Variants in ACSF3 observed in about 807,000 individuals in gnomAD.
ACSF3 encodes malonate--CoA ligase ACSF3, mitochondrial.
Under a neutral mutation model 53.2 loss-of-function variants are expected in ACSF3, and 78 were observed. That is an observed-to-expected ratio of 1.47 (90% CI 1.22 to 1.77). The LOEUF (loss-of-function observed/expected upper bound fraction) is 1.77, where lower values mean the gene tolerates loss of function less well. Ranked by LOEUF, ACSF3 falls within the 40% of genes most tolerant of loss-of-function variation. The pLI is 0.00. For synonymous variants in ACSF3, 414 were observed against 333.1 expected, an observed-to-expected ratio of 1.24 and a Z score of -2.65; for missense variants, 937 against 771.1, an observed-to-expected ratio of 1.22 and a Z score of -2.55.
intron 8 of ACSF3, among the ~76,000 whole-genome samples, chr16:89,141,449 C>T (rs1379249506): frequency 1.3e-5 from 2 of 152,192 alleles, no homozygotes; most frequent in African/African-American, 4.8e-5. Context: ...CCAGGCCTTG[C>T]AGACAAGACA....
At chr16:89,107,329 C>T (rs1425967909) in intron 4 of ACSF3, among the ~76,000 whole-genome samples, 1 of 152,180 alleles carries the variant, frequency 6.6e-6, no homozygotes, top group African/African-American at 2.4e-5. Flanking sequence ...CGCGCCTGCT[C>T]CCTGCCCCTC....
At chr16:89,153,798 A>G (rs1914405138) in intron 10 of ACSF3, 4 of 456,206 alleles carry the variant, frequency 8.8e-6, no homozygotes, top group Non-Finnish European at 1.6e-5. Context: ...CCTGCAGGCC[A>G]CTCTGTGCAG....
chr16:89,148,236 C>T (rs1233910078), intron 10 of ACSF3: 9 of 151,338 alleles, frequency 5.9e-5, no homozygotes, highest in African/African-American at 2.2e-4. Flanking sequence ...GTAGCTGGGA[C>T]TATAGGCATG....
chr16:89,128,249 A>T (rs12103007), intron 7 of ACSF3, among the ~76,000 whole-genome samples: 29,547 of 149,152 alleles, frequency 0.2, 3,039 homozygotes, highest in Non-Finnish European at 0.22. Context: ...ATATATATAT[A>T]TTTTTTTCTT....
At chr16:89,095,485 G>A (rs1004588026) in intron 1 of ACSF3, among the ~76,000 whole-genome samples, 3 of 152,084 alleles carry the variant, frequency 2.0e-5, no homozygotes, top group African/African-American at 4.8e-5. Flanking sequence ...AACCACAGGT[G>A]TGATGCTGAA....
chr16:89,133,410 T>C (rs919284047), intron 8 of ACSF3, 148 bp downstream of exon 8: 1 of 1,134,220 alleles, frequency 8.8e-7, no homozygotes. Context: ...TGGGGGCCAC[T>C]GTTACGGCAC....
intron 7 of ACSF3, among the ~76,000 whole-genome samples, chr16:89,130,879 C>CT (rs975569613): frequency 6.6e-6 from 1 of 152,124 alleles, no homozygotes; most frequent in African/African-American, 2.4e-5. Flanking sequence ...TGTGTGTTGA[C>CT]TTTCCTGGTG....
chr16:89,104,835 G>T (rs1597908647), intron 4 of ACSF3, among the ~76,000 whole-genome samples: 1 of 152,246 alleles, frequency 6.6e-6, no homozygotes, highest in Non-Finnish European at 1.5e-5. Context: ...TCTCACAAGA[G>T]AAGCCAGTAT....
chr16:89,112,987 G>A (rs922983989), intron 5 of ACSF3, among the ~76,000 whole-genome samples: 1 of 152,106 alleles, frequency 6.6e-6, no homozygotes, highest in Non-Finnish European at 1.5e-5. Context: ...GGTCTTTTGG[G>A]CCACCCAGGG....
At chr16:89,124,268 G>A (rs1485301673) in intron 7 of ACSF3, among the ~76,000 whole-genome samples, 4 of 152,204 alleles carry the variant, frequency 2.6e-5, no homozygotes, top group African/African-American at 9.7e-5. Flanking sequence ...CGGACTCCCT[G>A]ACGATGTCAT....
intron 3 of ACSF3, chr16:89,102,307 A>C (rs907611926): frequency 5.9e-5 from 27 of 456,462 alleles, no homozygotes; most frequent in Admixed American, 1.0e-4. Flanking sequence ...GCAGGGGCGG[A>C]GCTCTGTCGA....
At chr16:89,136,463 A>G (rs1597203988) in intron 8 of ACSF3, 5 of 1,182,316 alleles carry the variant, frequency 4.2e-6, no homozygotes, top group East Asian at 5.9e-5. Flanking sequence ...AGAGCCTGCA[A>G]TCAGCTCACA....
intron 8 of ACSF3, among the ~76,000 whole-genome samples, chr16:89,137,228 GGA>G (rs1216293314): frequency 4.0e-5 from 6 of 148,556 alleles, no homozygotes; most frequent in African/African-American, 1.0e-4. Flanking sequence ...GAAGAGCCAG[GGA>G]TCCCGGGAGG....
At chr16:89,137,116 G>T (rs954832297) in intron 8 of ACSF3, among the ~76,000 whole-genome samples, 6 of 152,240 alleles carry the variant, frequency 3.9e-5, no homozygotes, top group African/African-American at 1.2e-4. Flanking sequence ...GGGCATCCAG[G>T]GGTCAGGAGA....
At chr16:89,139,447 T>C (rs1911296344) in intron 8 of ACSF3, among the ~76,000 whole-genome samples, 2 of 152,158 alleles carry the variant, frequency 1.3e-5, no homozygotes, top group African/African-American at 4.8e-5. Context: ...GTCTTCGTTC[T>C]GCCCTCAGCC....
Position 89,100,132 on chromosome 16 carries a change from C to A in ACSF3, c.-20-530C>A, listed in dbSNP as rs543701235. Among the ~76,000 whole-genome samples the A allele has an allele frequency of 2.0e-5, 3 of 152,356 alleles. No individual in the cohort carries two copies. The South Asian group carries it at 6.2e-4, about 32-fold the overall frequency. Reference sequence around the variant, plus strand: ...CTCCAGCCTGGGCGACACAGCAAGACCCTGTCTCAAAAAAACGAACCTTGG... The same window carrying A: ...CTCCAGCCTGGGCGACACAGCAAGAACCTGTCTCAAAAAAACGAACCTTGG... On this transcript the variant is annotated intron_variant, in intron 2 of 10. Coordinates refer to ENST00000614302, the MANE Select transcript of ACSF3 (RefSeq NM_001243279.3).
chr16:89,095,467 A>G (rs1208343956), intron 1 of ACSF3, among the ~76,000 whole-genome samples: 1 of 152,078 alleles, frequency 6.6e-6, no homozygotes, highest in Non-Finnish European at 1.5e-5. Flanking sequence ...TTTGAAAATA[A>G]CCCTCCAAAC....
At chr16:89,113,773 C>T in intron 5 of ACSF3, 1 of 215,968 alleles carries the variant, frequency 4.6e-6, no homozygotes, top group Admixed American at 5.2e-5. Context: ...CAAGCCTGAG[C>T]TGACCCTGTG....
In ACSF3 at chr16:89,154,764, C is replaced by T. The variant is rs762212556; in HGVS notation, c.*557C>T. On this transcript the variant is annotated 3_prime_UTR_variant, in exon 11 of 11. Coordinates refer to ENST00000614302, the MANE Select transcript of ACSF3 (RefSeq NM_001243279.3). ...GTTCCGTGCATTTCCTGGTGCTGCT[C>T]TTGGAGGAGAGCAGCTCCCACTGTG... is the stretch of plus-strand genomic sequence containing the variant. 5 of 454,052 alleles carry T rather than the reference C, an allele frequency of 1.1e-5. No individual in the cohort carries two copies. The highest frequency in any genetic ancestry group is 6.2e-5 in the South Asian group (4 of 64,482). The allele number at this position is 454,052 out of a possible 1,614,324, so 28.1% of individuals were successfully genotyped here.
Sources: allele counts gnomAD v4.1 joint callset (sites outside exome capture counted in the v4.1 genomes callset), GRCh38; gene constraint gnomAD v4.1.1; transcripts MANE v1.5; gene names NCBI Gene and HGNC (gene_info 2026-07-23, HGNC 2026-07-21).